Variants in COBL observed in about 807,000 individuals in gnomAD.
The protein encoded by COBL is cordon-bleu WH2 repeat protein, also known as protein cordon-bleu.
COBL carries 51 observed loss-of-function variants against 98.8 expected under a neutral mutation model. The ratio of observed to expected loss-of-function variants is 0.52; its 90% CI spans 0.41 to 0.65. The LOEUF (loss-of-function observed/expected upper bound fraction) is 0.65. Among genes scored for constraint, COBL ranks in the 30% least tolerant of loss-of-function variants. COBL has a pLI of 0.00. For missense variants in COBL, 1,617 were observed against 1,617.5 expected (o/e 1.00, Z 0.01); for synonymous variants, 634 against 651.7 (o/e 0.97, Z 0.41).
intron 7 of COBL, among the ~76,000 whole-genome samples, chr7:51,081,795 C>A (rs977445126): frequency 6.6e-6 from 1 of 152,068 alleles, no homozygotes; most frequent in African/African-American, 2.4e-5. Flanking sequence ...GTGAGCACAG[C>A]GGCCACAGGA....
chr7:51,163,226 T>C (rs969557667), intron 5 of COBL, among the ~76,000 whole-genome samples: 2 of 152,188 alleles, frequency 1.3e-5, no homozygotes, highest in Admixed American at 1.3e-4. Flanking sequence ...CTAGGATCAA[T>C]GGCGTGGAAA....
At chr7:51,025,589 G>C (rs916849722) in intron 11 of COBL, among the ~76,000 whole-genome samples, 1 of 152,144 alleles carries the variant, frequency 6.6e-6, no homozygotes, top group East Asian at 1.9e-4. Flanking sequence ...CAGAGAGAAG[G>C]CACTGTCTAT....
At position 51,028,327 on chromosome 7, in the gene COBL, T is replaced by C. The variant is rs1347464730; in HGVS notation, c.2769A>G (p.Gln923=). 1 of 1,614,266 alleles carries C rather than the reference T, an allele frequency of 6.2e-7. No individual in the cohort carries two copies. Among genetic ancestry groups the C allele is most frequent in the Admixed American group, 1.7e-5 (1 of 60,036 alleles). ...DRTSSPHSET[Q]GWKDGAQWPC... ...GCCACTGGGCACCATCCTTCCATCCTTGTGTCTCTGAGTGTGGGCTGGATG... is the reference window on the plus strand; with the variant it reads ...GCCACTGGGCACCATCCTTCCATCCCTGTGTCTCTGAGTGTGGGCTGGATG... The change falls in exon 10 of 13, where the codon CAA becomes CAG. Residue 923 remains glutamine (Q), a synonymous_variant. Coordinates refer to ENST00000265136, the MANE Select transcript of COBL (RefSeq NM_015198.5).
intron 7 of COBL, among the ~76,000 whole-genome samples, chr7:51,059,234 GTTTGGTCTTTATTTAGAAGTGT>G (rs1583641100): frequency 6.6e-6 from 1 of 152,194 alleles, no homozygotes; most frequent in South Asian, 2.1e-4. Context: ...TATTAGTAGT[GTTTGGTCTTTATTTAGAAGTGT>G]TTTGGTCTTT....
intron 1 of COBL, among the ~76,000 whole-genome samples, chr7:51,308,555 T>C (rs1802703459): frequency 6.6e-6 from 1 of 152,200 alleles, no homozygotes; most frequent in Non-Finnish European, 1.5e-5. Flanking sequence ...TTTCTCCTCT[T>C]CCAGCTCTAT....
chr7:51,302,749 T>C (rs967717364), intron 1 of COBL, among the ~76,000 whole-genome samples: 1 of 152,118 alleles, frequency 6.6e-6, no homozygotes, highest in Non-Finnish European at 1.5e-5. Flanking sequence ...AAAATAATAA[T>C]AATTCACAAT....
intron 2 of COBL, among the ~76,000 whole-genome samples, chr7:51,202,621 A>T (rs1791239597): frequency 6.6e-6 from 1 of 152,246 alleles, no homozygotes; most frequent in Non-Finnish European, 1.5e-5. Context: ...TCAAAGGAGA[A>T]ATCAAAAGGG....
At position 51,085,296 on chromosome 7, in the gene COBL, A is replaced by G. The variant is rs751824180; in HGVS notation, c.966T>C (p.Leu322=). The change falls in exon 7 of 13, where the codon CTT becomes CTC. Residue 322 remains leucine (L), a synonymous_variant. Coordinates refer to ENST00000265136, the MANE Select transcript of COBL (RefSeq NM_015198.5). ...VQDKASEKVS[L]GSQIDLQKKK... ...TCTTCTGTAAATCAATCTGTGACCC[A>G]AGAGATACCTATGAAGTACAAAGAA... 1.9e-6 allele frequency: 3 copies of G among 1,558,688 alleles called. No individual in the cohort carries two copies. In the South Asian group the frequency reaches 3.4e-5, roughly 18 times the overall value.
chr7:51,050,739 T>C (rs1790155743), intron 7 of COBL, among the ~76,000 whole-genome samples: 1 of 152,194 alleles, frequency 6.6e-6, no homozygotes, highest in Non-Finnish European at 1.5e-5. Flanking sequence ...AGACAATGTT[T>C]CAGCTCCTGG....
At position 51,039,805 on chromosome 7, in the gene COBL, C is replaced by A. The variant is rs926525512; in HGVS notation, c.1406+3578G>T. On this transcript the variant is annotated intron_variant, in intron 8 of 12. Transcript: ENST00000265136. ...GCTTGCATATGTGTTCCGTTTCACCCTGAGTGCCTGAATTGGTTGCCAACA... is the reference window on the plus strand; with the variant it reads ...GCTTGCATATGTGTTCCGTTTCACCATGAGTGCCTGAATTGGTTGCCAACA... 5.3e-5 allele frequency among the ~76,000 whole-genome samples: 8 copies of A among 152,200 alleles called. No individual in the cohort carries two copies. In the East Asian group the frequency reaches 1.5e-3, roughly 29 times the overall value.
intron 1 of COBL, among the ~76,000 whole-genome samples, chr7:51,292,761 C>T (rs1387230027): frequency 6.6e-6 from 1 of 152,246 alleles, no homozygotes; most frequent in African/African-American, 2.4e-5. Flanking sequence ...CTTCCAAGGC[C>T]CGTGGCTTGC....
chr7:51,177,775 AAAATAAATAAATAAATAAAT>A lies in COBL; in HGVS notation c.783+6307_783+6326del, dbSNP rs147309503. On this transcript the variant is annotated intron_variant, in intron 5 of 12. Transcript: ENST00000265136. ...GCGACAGAGAGGACTCTGTCTCAAA[AAAATAAATAAATAAATAAAT>A]AAATAAATAAATAAATAAATAAAAA... 1.4e-4 allele frequency among the ~76,000 whole-genome samples: 20 copies of A among 142,840 alleles called. 1 individual carries two copies. Among genetic ancestry groups the A allele is most frequent in the Admixed American group, 4.9e-4 (7 of 14,280 alleles). 93.7% of individuals were successfully genotyped at this position (142,840 alleles called of 152,430 possible).
chr7:51,230,079 C>T (rs543095890), intron 1 of COBL, among the ~76,000 whole-genome samples: 13 of 152,268 alleles, frequency 8.5e-5, no homozygotes, highest in Admixed American at 8.5e-4. Flanking sequence ...CTCGCTCCCC[C>T]AGCAGGGAAG....
At chr7:51,272,153 TTAAC>T (rs1163219903) in intron 1 of COBL, among the ~76,000 whole-genome samples, 5 of 152,204 alleles carry the variant, frequency 3.3e-5, no homozygotes, top group African/African-American at 1.2e-4. Context: ...ACTCACTCAT[TTAAC>T]TAAGTGAGCA....
Position 51,298,441 on chromosome 7 carries a change from G to A in COBL, c.41+18152C>T, listed in dbSNP as rs577795586. The stretch of plus-strand genomic sequence containing the variant: ...TTCAGGGCTAATTGTGCAGCTTGCT[G>A]CCTGTGCATGCTCCTGCAATGACAT... On this transcript the variant is annotated intron_variant, in intron 1 of 12. Coordinates refer to ENST00000265136, the MANE Select transcript of COBL (RefSeq NM_015198.5). Among the ~76,000 whole-genome samples, 249 of 152,332 alleles carry A rather than the reference G, an allele frequency of 1.6e-3. 1 individual carries two copies. The highest frequency in any genetic ancestry group is 5.8e-3 in the African/African-American group (240 of 41,564).
At chr7:51,027,662 A>G in intron 10 of COBL, 50 bp downstream of exon 10, 1 of 1,449,722 alleles carries the variant, frequency 6.9e-7, no homozygotes, top group Admixed American at 1.8e-5. Flanking sequence ...AGACCAGTGC[A>G]CTGAAGTGGG....
At chr7:51,138,207 C>T (rs1395627408) in intron 5 of COBL, among the ~76,000 whole-genome samples, 1 of 152,174 alleles carries the variant, frequency 6.6e-6, no homozygotes, top group Non-Finnish European at 1.5e-5. Context: ...AAGAAACTAA[C>T]ACCCAGAACA....
At chr7:51,311,280 C>T (rs1045789059) in intron 1 of COBL, among the ~76,000 whole-genome samples, 7 of 152,178 alleles carry the variant, frequency 4.6e-5, no homozygotes, top group Admixed American at 2.6e-4. Flanking sequence ...CAGAGGGAAG[C>T]GTGCTAACAC....
At chr7:51,107,735 C>T (rs73340779) in intron 6 of COBL, among the ~76,000 whole-genome samples, 4,386 of 152,184 alleles carry the variant, frequency 0.029, 212 homozygotes, top group African/African-American at 0.1. Context: ...GAGAGCAGAA[C>T]CCAAAGAGGC....
Sources: allele counts gnomAD v4.1 joint callset (sites outside exome capture counted in the v4.1 genomes callset), GRCh38; gene constraint gnomAD v4.1.1; transcripts MANE v1.5; gene names NCBI Gene and HGNC (gene_info 2026-07-23, HGNC 2026-07-21).